The following ERICH6 variants were observed in gnomAD, a reference collection of about 807,000 sequenced individuals.
The protein encoded by ERICH6 is glutamate rich 6.
Under a neutral mutation model 71.0 loss-of-function variants are expected in ERICH6, and 71 were observed. The observed-to-expected ratio is 1.00, with a 90% CI of 0.83 to 1.22. The LOEUF (loss-of-function observed/expected upper bound fraction) is 1.22, where lower values mean the gene tolerates loss of function less well. Ranked by LOEUF, ERICH6 falls within the 50% of genes most tolerant of loss-of-function variation. The pLI, the probability that ERICH6 is intolerant of heterozygous loss-of-function variation, is 0.00. For missense variants in ERICH6, 808 were observed against 797.2 expected (o/e 1.01, Z -0.16); for synonymous variants, 262 against 278.4 (o/e 0.94, Z 0.59).
chr3:150,668,449 G>A (rs1344953137), intron 12 of ERICH6, among the ~76,000 whole-genome samples: 6 of 152,180 alleles, frequency 3.9e-5, no homozygotes, highest in African/African-American at 1.4e-4. Flanking sequence ...ATTGGTGACA[G>A]TATAGCACTG....
chr3:150,689,911 C>T (rs932388312), intron 3 of ERICH6, among the ~76,000 whole-genome samples: 13 of 152,142 alleles, frequency 8.5e-5, no homozygotes, highest in Non-Finnish European at 1.6e-4. Flanking sequence ...CTGCTTTCCT[C>T]GGTATTGTGT....
At chr3:150,699,341 A>G (rs1307019992) in intron 2 of ERICH6, among the ~76,000 whole-genome samples, 1 of 152,054 alleles carries the variant, frequency 6.6e-6, no homozygotes, top group African/African-American at 2.4e-5. Flanking sequence ...ATAAACCATG[A>G]CCATACACTG....
At chr3:150,661,335 T>C (rs1019636434) in intron 13 of ERICH6, among the ~76,000 whole-genome samples, 11 of 152,238 alleles carry the variant, frequency 7.2e-5, no homozygotes, top group Non-Finnish European at 1.5e-4. Context: ...TGAGCACTGA[T>C]GCCCACAGGC....
chr3:150,665,827 CA>C (rs530457228), intron 13 of ERICH6, among the ~76,000 whole-genome samples: 16,852 of 69,994 alleles, frequency 0.24, 727 homozygotes, highest in African/African-American at 0.3. Context: ...GGCTCCATCT[CA>C]AAAAAAAAAA....
At chr3:150,690,733 C>A (rs1712401870) in intron 3 of ERICH6, among the ~76,000 whole-genome samples, 1 of 152,180 alleles carries the variant, frequency 6.6e-6, no homozygotes, top group Admixed American at 6.5e-5. Flanking sequence ...ATTAATCAAG[C>A]AATTTCATAC....
At chr3:150,678,313 A>G (rs1301478051) in intron 10 of ERICH6, 96 bp downstream of exon 10, 1 of 1,201,466 alleles carries the variant, frequency 8.3e-7, no homozygotes, top group African/African-American at 1.5e-5. Flanking sequence ...AACTAGTTAA[A>G]TGCATCATGT....
Position 150,680,776 on chromosome 3 carries a change from T to G in ERICH6, c.1037A>C (p.Gln346Pro), listed in dbSNP as rs1711888417. Residue 346 changes from glutamine (Q) to proline (P), a missense_variant, in exon 8 of 14, where the codon CAA becomes CCA. Transcript: ENST00000295910. ...DRLKAKEKAL[Q>P]RKQEQRMARH... ...AGTATCGAAGTCTCAATGTTACCTT[T>G]GCAGGGCTTTTTCTTTTGCCTTGAG... 6.2e-7 allele frequency: 1 copy of G among 1,602,346 alleles called. No individual in the cohort carries two copies. The highest frequency in any genetic ancestry group is 8.5e-7 in the Non-Finnish European group (1 of 1,176,944).
At chr3:150,684,521 GCC>G (rs1712098663) in intron 6 of ERICH6, among the ~76,000 whole-genome samples, 1 of 152,016 alleles carries the variant, frequency 6.6e-6, no homozygotes, top group East Asian at 1.9e-4. Context: ...CCTTTACTAT[GCC>G]CAAGAAGAAG....
In ERICH6 at chr3:150,673,715, AG is replaced by A. The variant is rs376702872; in HGVS notation, c.1343+240del. Reference sequence around the variant, plus strand: ...ATGATCCTTCTACTTCAGTCTCCCGAGTAGCTGAGACTACAGGCATGTGCCA... The same window carrying A: ...ATGATCCTTCTACTTCAGTCTCCCGATAGCTGAGACTACAGGCATGTGCCA... On this transcript the variant is annotated intron_variant, in intron 11 of 13. Transcript: ENST00000295910. Among the ~76,000 whole-genome samples the A allele has an allele frequency of 1.6e-3, 238 of 152,228 alleles. 1 individual carries two copies. The highest frequency in any genetic ancestry group is 4.7e-3 in the African/African-American group (196 of 41,542).
intron 2 of ERICH6, 42 bp downstream of exon 2, chr3:150,702,079 T>A: frequency 7.7e-7 from 1 of 1,295,746 alleles, no homozygotes. Context: ...AGGTAAACAT[T>A]ATTGGGTTCA....
chr3:150,680,987 G>A, intron 7 of ERICH6, 57 bp from the exon 8 acceptor site: 2 of 1,478,770 alleles, frequency 1.4e-6, no homozygotes, highest in South Asian at 1.5e-5. Flanking sequence ...AGGATTAGAG[G>A]GGATAAAAAT....
At chr3:150,669,546 G>T in intron 11 of ERICH6, 95 bp from the exon 12 acceptor site, 1 of 1,365,774 alleles carries the variant, frequency 7.3e-7, no homozygotes, top group Non-Finnish European at 1.0e-6. Context: ...AAATCATAAA[G>T]CATTCTGAAA....
At chr3:150,689,518 GA>G (rs1400347639) in intron 3 of ERICH6, among the ~76,000 whole-genome samples, 1 of 152,102 alleles carries the variant, frequency 6.6e-6, no homozygotes, top group Admixed American at 6.6e-5. Flanking sequence ...GATTTTAAAA[GA>G]TTTTTTTAAA....
In ERICH6 at chr3:150,676,074, C is replaced by T. The variant is rs538561374; in HGVS notation, c.1258-2033G>A. On this transcript the variant is annotated intron_variant, in intron 10 of 13. Coordinates refer to ENST00000295910, the MANE Select transcript of ERICH6 (RefSeq NM_152394.5). ...TCTTCTGGGATTTTGAACAAATGCACGTTAGACCTTTCTTTTTATTTTTGT... is the reference window on the plus strand; with the variant it reads ...TCTTCTGGGATTTTGAACAAATGCATGTTAGACCTTTCTTTTTATTTTTGT... 2.6e-5 allele frequency among the ~76,000 whole-genome samples: 4 copies of T among 151,992 alleles called. No homozygotes were observed. In the South Asian group the frequency reaches 6.2e-4, roughly 24 times the overall value.
chr3:150,700,817 C>T (rs1228909930), intron 2 of ERICH6, among the ~76,000 whole-genome samples: 10 of 152,114 alleles, frequency 6.6e-5, no homozygotes, highest in African/African-American at 1.9e-4. Context: ...CTCCTGACCT[C>T]GTGATCTGCC....
At chr3:150,686,424 C>T (rs1559917859) in intron 3 of ERICH6, 70 bp from the exon 4 acceptor site, 2 of 1,300,710 alleles carry the variant, frequency 1.5e-6, no homozygotes, top group Non-Finnish European at 2.2e-6. Context: ...AAAGAAAATA[C>T]ATCTCTCAGA....
At chr3:150,683,245 T>C (rs1462090743) in intron 6 of ERICH6, among the ~76,000 whole-genome samples, 1 of 152,218 alleles carries the variant, frequency 6.6e-6, no homozygotes, top group Non-Finnish European at 1.5e-5. Flanking sequence ...TAGTAAGTAC[T>C]GCACATTGCT....
intron 3 of ERICH6, among the ~76,000 whole-genome samples, chr3:150,691,273 T>G (rs193077204): frequency 1.5e-3 from 236 of 152,308 alleles, no homozygotes; most frequent in African/African-American, 4.8e-3. Context: ...AAAGTTAAAT[T>G]ATAGATATTT....
chr3:150,688,262 T>C (rs193254847), intron 3 of ERICH6, among the ~76,000 whole-genome samples: 27 of 152,228 alleles, frequency 1.8e-4, no homozygotes, highest in Non-Finnish European at 3.7e-4. Flanking sequence ...CACAGGTATG[T>C]AAAAAAATTA....
Sources: allele counts gnomAD v4.1 joint callset (sites outside exome capture counted in the v4.1 genomes callset), GRCh38; gene constraint gnomAD v4.1.1; transcripts MANE v1.5; gene names NCBI Gene and HGNC (gene_info 2026-07-23, HGNC 2026-07-21).